The following RBFOX1 variants were observed in gnomAD, a reference collection of about 807,000 sequenced individuals.
RBFOX1 encodes RNA binding fox-1 homolog 1.
A neutral mutation model predicts 57.7 loss-of-function variants in RBFOX1; 8 were observed. The ratio of observed to expected loss-of-function variants is 0.14; its 90% CI spans 0.08 to 0.25. The LOEUF (loss-of-function observed/expected upper bound fraction) is 0.25, where lower values mean the gene tolerates loss of function less well. Among genes scored for constraint, RBFOX1 ranks in the 10% least tolerant of loss-of-function variants. The probability of loss-of-function intolerance (pLI) is 1.00; values close to 1 mark genes in which losing one functional copy is unlikely to be tolerated. For synonymous variants in RBFOX1, 326 were observed against 222.4 expected, an observed-to-expected ratio of 1.47 and a Z score of -4.15; for missense variants, 611 against 548.5, an observed-to-expected ratio of 1.11 and a Z score of -1.14.
intron 4 of RBFOX1, among the ~76,000 whole-genome samples, chr16:7,053,998 G>A (rs537966862): frequency 1.4e-4 from 22 of 152,012 alleles, no homozygotes; most frequent in African/African-American, 4.8e-4. Context: ...TGACTTAGGC[G>A]TCTAGTTCCC....
intron 4 of RBFOX1, among the ~76,000 whole-genome samples, chr16:7,178,541 A>G (rs75481382): frequency 0.088 from 13,367 of 152,230 alleles, 793 homozygotes; most frequent in Non-Finnish European, 0.12. Flanking sequence ...GTGCATGGCA[A>G]AGAACCTATC....
chr16:6,314,508 G>A (rs749125408), intron 1 of RBFOX1, among the ~76,000 whole-genome samples: 7 of 152,186 alleles, frequency 4.6e-5, no homozygotes, highest in Non-Finnish European at 7.3e-5. Flanking sequence ...CCTTCCATGA[G>A]TTCAAATGGG....
intron 10 of RBFOX1, 117 bp downstream of exon 10, chr16:7,607,455 G>A: frequency 3.2e-6 from 3 of 948,556 alleles, no homozygotes; most frequent in Admixed American, 2.4e-5. Flanking sequence ...ATCCTAACAA[G>A]TTCTGAATGA....
intron 2 of RBFOX1, among the ~76,000 whole-genome samples, chr16:5,571,273 T>G (rs2046274130): frequency 7.6e-6 from 1 of 130,858 alleles, no homozygotes; most frequent in African/African-American, 3.0e-5. Context: ...CAGGCTGGAG[T>G]GCAGTGTTGT....
intron 4 of RBFOX1, among the ~76,000 whole-genome samples, chr16:7,429,616 C>T (rs1326764234): frequency 6.6e-6 from 1 of 152,150 alleles, no homozygotes; most frequent in East Asian, 1.9e-4. Context: ...AAATAGTCGT[C>T]AGGTGGATGA....
chr16:5,325,785 C>A (rs1365419861), intron 1 of RBFOX1, among the ~76,000 whole-genome samples: 2 of 152,204 alleles, frequency 1.3e-5, no homozygotes, highest in Non-Finnish European at 2.9e-5. Context: ...GACTAGTATT[C>A]CATTGTATGG....
At chr16:7,672,330 G>A (rs562206599) in intron 13 of RBFOX1, among the ~76,000 whole-genome samples, 1 of 152,180 alleles carries the variant, frequency 6.6e-6, no homozygotes, top group African/African-American at 2.4e-5. Context: ...AGGATGATCA[G>A]TGAGAGTTGT....
chr16:7,159,008 C>T (rs2077725107), intron 4 of RBFOX1, among the ~76,000 whole-genome samples: 1 of 151,852 alleles, frequency 6.6e-6, no homozygotes, highest in South Asian at 2.1e-4. Flanking sequence ...AGATTCCCCC[C>T]ATTTCTCTCA....
At chr16:6,537,225 T>A (rs948548989) in intron 2 of RBFOX1, among the ~76,000 whole-genome samples, 4 of 152,090 alleles carry the variant, frequency 2.6e-5, no homozygotes, top group African/African-American at 9.7e-5. Context: ...CTAATAAGCT[T>A]CCAGGTGTTG....
chr16:6,730,875 T>C (rs1312965919), intron 3 of RBFOX1, among the ~76,000 whole-genome samples: 1 of 152,190 alleles, frequency 6.6e-6, no homozygotes, highest in Non-Finnish European at 1.5e-5. Flanking sequence ...CCCACCCTGC[T>C]TCCTTGAATT....
At chr16:6,983,827 G>T (rs1448171689) in intron 3 of RBFOX1, 1 of 152,490 alleles carries the variant, frequency 6.6e-6, no homozygotes, top group South Asian at 2.1e-4. Flanking sequence ...CTGTGGACAA[G>T]ACATTAGGCT....
At chr16:6,323,159 G>A (rs1256079347) in intron 2 of RBFOX1, among the ~76,000 whole-genome samples, 1 of 152,172 alleles carries the variant, frequency 6.6e-6, no homozygotes, top group East Asian at 1.9e-4. Flanking sequence ...GCTAAAAGAA[G>A]AAATAACAAT....
intron 2 of RBFOX1, among the ~76,000 whole-genome samples, chr16:6,516,971 A>G (rs188952191): frequency 6.6e-6 from 1 of 152,168 alleles, no homozygotes; most frequent in Non-Finnish European, 1.5e-5. Context: ...GCAGAGATAA[A>G]GTATGAGGCT....
intron 4 of RBFOX1, among the ~76,000 whole-genome samples, chr16:7,234,862 A>G (rs1419424645): frequency 3.9e-5 from 6 of 152,088 alleles, no homozygotes; most frequent in Non-Finnish European, 8.8e-5. Context: ...CATTTAATGG[A>G]TAACAATTTT....
chr16:5,699,519 A>G (rs1183858684), intron 3 of RBFOX1, among the ~76,000 whole-genome samples: 1 of 151,886 alleles, frequency 6.6e-6, no homozygotes, highest in Non-Finnish European at 1.5e-5. Context: ...GATGTTTTAG[A>G]TAGAGAGTTT....
chr16:6,579,201 GTTA>G (rs1198781496), intron 2 of RBFOX1, among the ~76,000 whole-genome samples: 1 of 151,994 alleles, frequency 6.6e-6, no homozygotes, highest in Non-Finnish European at 1.5e-5. Flanking sequence ...TTTCTTTTTT[GTTA>G]TTGTTGTTTT....
rs192125718 is a variant in RBFOX1, at chr16:5,411,912, C to T, written c.220-55304C>T. ...GAAAAAAAGAAAAGAAAATGAACCC[C>T]ACTGCTCCTTTTTAAGTGATTCATC... On this transcript the variant is annotated intron_variant, in intron 1 of 2. Coordinates refer to the RBFOX1 transcript ENST00000585867. Among the ~76,000 whole-genome samples the T allele has an allele frequency of 1.3e-3, 201 of 152,192 alleles. 1 individual carries two copies. The highest frequency in any genetic ancestry group is 4.6e-3 in the African/African-American group (190 of 41,514).
intron 2 of RBFOX1, among the ~76,000 whole-genome samples, chr16:5,480,449 A>G (rs2069492852): frequency 6.6e-6 from 1 of 152,226 alleles, no homozygotes; most frequent in African/African-American, 2.4e-5. Context: ...TTAAGAAGAA[A>G]ATAAAAAATG....
chr16:7,366,924 G>T (rs2097461685), intron 4 of RBFOX1, among the ~76,000 whole-genome samples: 1 of 152,124 alleles, frequency 6.6e-6, no homozygotes, highest in South Asian at 2.1e-4. Flanking sequence ...ATTTAATTTT[G>T]AGCATGTTTA....
Sources: allele counts gnomAD v4.1 joint callset (sites outside exome capture counted in the v4.1 genomes callset), GRCh38; gene constraint gnomAD v4.1.1; transcripts MANE v1.5; gene names NCBI Gene and HGNC (gene_info 2026-07-23, HGNC 2026-07-21).